Variants in OSBPL9 observed in about 807,000 individuals in gnomAD.
The protein encoded by OSBPL9 is oxysterol-binding protein-related protein 9.
In OSBPL9, 40 loss-of-function variants were observed where a neutral mutation model predicts 106.6. The ratio of observed to expected loss-of-function variants is 0.38; its 90% confidence interval spans 0.29 to 0.49. The LOEUF (loss-of-function observed/expected upper bound fraction) is 0.49, where lower values mean the gene tolerates loss of function less well. OSBPL9 is among the 20% of genes least tolerant of loss of function. The pLI, the probability that OSBPL9 is intolerant of heterozygous loss-of-function variation, is 0.97. For missense variants in OSBPL9, 609 were observed against 887.2 expected (o/e 0.69, Z 3.98); for synonymous variants, 269 against 295.4 (o/e 0.91, Z 0.92).
rs569709052 is a variant in OSBPL9 at position 51,747,096 on chromosome 1, A to C, written c.462+339A>C. Among the ~76,000 whole-genome samples the C allele has an allele frequency of 3.3e-5, 5 of 152,206 alleles. No homozygotes were observed. In the South Asian group the frequency reaches 1.0e-3, roughly 32 times the overall value. On this transcript the variant is annotated intron_variant, in intron 6 of 23. Coordinates refer to ENST00000428468, the MANE Select transcript of OSBPL9 (RefSeq NM_024586.6). ...ATGATTCTCCTGTCTCAGCCTCCCAAGTAGCTGGGATTACAGGCATGTGCC... is the reference window on the plus strand; with the variant it reads ...ATGATTCTCCTGTCTCAGCCTCCCACGTAGCTGGGATTACAGGCATGTGCC...
chr1:51,768,969 G>A (rs1259458689), intron 12 of OSBPL9, among the ~76,000 whole-genome samples: 2 of 152,164 alleles, frequency 1.3e-5, no homozygotes, highest in Non-Finnish European at 2.9e-5. Context: ...TAATCTAGAA[G>A]CCCAAACCAG....
At chr1:51,520,174 A>T in the OSBPL9 span, among the ~76,000 whole-genome samples, 1 of 152,194 alleles carries the variant, frequency 6.6e-6, no homozygotes, top group Non-Finnish European at 1.5e-5. Context: ...CTAGATTAAG[A>T]GCTCCTCAAT....
intron 1 of OSBPL9, among the ~76,000 whole-genome samples, chr1:51,639,816 GTTTTT>G (rs758174157): frequency 1.5e-5 from 1 of 67,026 alleles, no homozygotes; most frequent in African/African-American, 6.4e-5. Context: ...ATTCCTAGTT[GTTTTT>G]TTTTTTTTTT....
chr1:51,692,347 A>G (rs192027322), intron 3 of OSBPL9, among the ~76,000 whole-genome samples: 4 of 152,340 alleles, frequency 2.6e-5, no homozygotes, highest in Admixed American at 2.6e-4. Context: ...AATGTTAAAA[A>G]GTATAGTATA....
At chr1:51,743,495 T>C (rs1463110501) in intron 4 of OSBPL9, among the ~76,000 whole-genome samples, 1 of 152,244 alleles carries the variant, frequency 6.6e-6, no homozygotes, top group African/African-American at 2.4e-5. Flanking sequence ...TTAAAAAGGA[T>C]GTTTTAGTTA....
chr1:51,640,492 A>G (rs1332883831), intron 1 of OSBPL9, among the ~76,000 whole-genome samples: 3 of 152,190 alleles, frequency 2.0e-5, no homozygotes, highest in Admixed American at 6.5e-5. Context: ...ATTAGATATT[A>G]TTAATCTCTA....
At chr1:51,663,295 AGTGTGT>A (rs10544368) in intron 2 of OSBPL9, among the ~76,000 whole-genome samples, 12 of 148,706 alleles carry the variant, frequency 8.1e-5, no homozygotes, top group East Asian at 2.0e-4. Flanking sequence ...TATGCTGGCA[AGTGTGT>A]GTGTGTGTGT....
intron 1 of OSBPL9, among the ~76,000 whole-genome samples, chr1:51,632,501 A>C (rs1291500810): frequency 8.1e-6 from 1 of 122,742 alleles, no homozygotes; most frequent in African/African-American, 3.2e-5. Context: ...GAATGATGAT[A>C]AACCTGTTAT....
At chr1:51,570,653 G>C in the OSBPL9 span, among the ~76,000 whole-genome samples, 1 of 152,222 alleles carries the variant, frequency 6.6e-6, no homozygotes, top group Non-Finnish European at 1.5e-5. Flanking sequence ...CCAGCTTACT[G>C]GTTAGGGCTC....
chr1:51,729,759 C>G lies in OSBPL9; in HGVS notation c.318+15680C>G. ...GTCTCTTTGCCAGGAGCCGCCAGGGCCAGCCAATCGGGGCGACCCCTCCGC... is the reference window on the plus strand; with the variant it reads ...GTCTCTTTGCCAGGAGCCGCCAGGGGCAGCCAATCGGGGCGACCCCTCCGC... On this transcript the variant is annotated intron_variant, in intron 4 of 23. Coordinates refer to ENST00000428468, the MANE Select transcript of OSBPL9 (RefSeq NM_024586.6). This position sits in a 1 kb window ranked among gnomAD's most constrained non-coding sequence, Gnocchi z 5.1. 8.5e-7 allele frequency: 1 copy of G among 1,173,730 alleles called. No homozygotes were observed. Among genetic ancestry groups the G allele is most frequent in the Non-Finnish European group, 1.1e-6 (1 of 929,948 alleles). The allele number at this position is 1,173,730 out of a possible 1,614,324, so 72.7% of individuals were successfully genotyped here. A position where few individuals can be genotyped will look rare whatever the true frequency, so the allele number is the denominator to read the frequency against.
the OSBPL9 span, among the ~76,000 whole-genome samples, chr1:51,536,949 T>C: frequency 1.3e-5 from 2 of 152,206 alleles, no homozygotes; most frequent in East Asian, 3.8e-4. Context: ...GTGTAAGTAA[T>C]GGTAATCTGT....
intron 3 of OSBPL9, among the ~76,000 whole-genome samples, chr1:51,681,956 C>G (rs1348938856): frequency 6.6e-6 from 1 of 152,198 alleles, no homozygotes; most frequent in Non-Finnish European, 1.5e-5. Context: ...AATCCCAGCA[C>G]TTTGGGAGGC....
chr1:51,768,926 C>T (rs1673233387), intron 12 of OSBPL9, among the ~76,000 whole-genome samples: 2 of 152,200 alleles, frequency 1.3e-5, no homozygotes, highest in Admixed American at 1.3e-4. Flanking sequence ...TTCCTTTTCT[C>T]CCTCAATTTC....
At chr1:51,783,849 G>A in intron 17 of OSBPL9, 66 bp from the exon 18 acceptor site, 1 of 1,189,342 alleles carries the variant, frequency 8.4e-7, no homozygotes. Flanking sequence ...TATTTCCCCA[G>A]GTTATGTGAT....
chr1:51,679,634 G>T (rs1380489490), intron 3 of OSBPL9, among the ~76,000 whole-genome samples: 5 of 152,172 alleles, frequency 3.3e-5, no homozygotes, highest in African/African-American at 9.7e-5. Flanking sequence ...ACACTCTTCT[G>T]CTCCATCCCA....
intron 9 of OSBPL9, among the ~76,000 whole-genome samples, chr1:51,757,574 A>G (rs1670609592): frequency 6.6e-6 from 1 of 151,978 alleles, no homozygotes; most frequent in South Asian, 2.1e-4. Context: ...ACACTTGATC[A>G]TTTGCAATGA....
At chr1:51,734,270 C>T (rs1341144117) in intron 4 of OSBPL9, among the ~76,000 whole-genome samples, 1 of 152,100 alleles carries the variant, frequency 6.6e-6, no homozygotes, top group Non-Finnish European at 1.5e-5. Context: ...TCGTTTTTCC[C>T]AAAATGTGCC....
At chr1:51,617,060 C>G, upstream of OSBPL9, 1 of 1,278,066 alleles carries the variant, frequency 7.8e-7, no homozygotes, top group South Asian at 1.2e-5. Context: ...ATGCTGAATG[C>G]CATATAGGCG....
chr1:51,525,360 G>A, the OSBPL9 span, among the ~76,000 whole-genome samples: 1 of 152,208 alleles, frequency 6.6e-6, no homozygotes, highest in East Asian at 1.9e-4. Context: ...TGCTGATAAT[G>A]TTGGTTTATG....
Sources: gnomAD v4.1 joint callset for allele counts (sites outside exome capture counted in the v4.1 genomes callset) on GRCh38, gnomAD v4.1.1 for gene constraint, Gnocchi (gnomAD v3.1) non-coding constraint, MANE v1.5 for transcripts, NCBI Gene and HGNC (gene_info 2026-07-23, HGNC 2026-07-21) for gene names.